PRDM1: variants seen among roughly 807,000 people sequenced by gnomAD.
PRDM1 encodes the protein PR domain zinc finger protein 1.
Under a neutral mutation model 62.8 loss-of-function variants are expected in PRDM1, and 13 were observed. That is an observed-to-expected ratio of 0.21 (90% CI 0.13 to 0.33). The LOEUF (loss-of-function observed/expected upper bound fraction) is 0.33, where lower values mean the gene tolerates loss of function less well. Among genes scored for constraint, PRDM1 ranks in the 10% least tolerant of loss-of-function variants. PRDM1 has a pLI of 1.00. For missense variants in PRDM1, 895 were observed against 1,058.8 expected (o/e 0.85, Z 2.15); for synonymous variants, 396 against 417.6 (o/e 0.95, Z 0.63).
In PRDM1 at chr6:106,107,256, A is replaced by G. The variant is rs1774520505; in HGVS notation, c.2248A>G (p.Ser750Gly). 6.2e-7 allele frequency: 1 copy of G among 1,614,110 alleles called. No homozygotes were observed. Among genetic ancestry groups the G allele is most frequent in the Admixed American group, 1.7e-5 (1 of 60,008 alleles). ...GCTCGAGGACGTGGAGGATGACATC[A>G]GTGTGATCTCTGTAGTGGAGAAGGA... ...DRLEDVEDDI[S>G]VISVVEKEIL... is the part of the protein sequence containing the mutation. Residue 750 changes from serine to glycine, a missense_variant, in exon 7 of 7, where the codon AGT (serine) becomes GGT (glycine). By Grantham distance (56) the Ser-to-Gly change is moderately conservative. This residue lies in a region of PRDM1 where 164 missense variants were observed against 179.9 expected (regional missense o/e 0.91). Coordinates refer to ENST00000369096, the MANE Select transcript of PRDM1 (RefSeq NM_001198.4).
At chr6:106,099,588 C>T (rs763374774) in intron 4 of PRDM1, 36 bp downstream of exon 4, 2 of 1,609,236 alleles carry the variant, frequency 1.2e-6, no homozygotes, top group South Asian at 2.2e-5. Flanking sequence ...TAAAAAATGC[C>T]AGTAATGTCG....
At chr6:106,019,924 G>T (rs1772672652) in intron 1 of PRDM1, among the ~76,000 whole-genome samples, 1 of 149,912 alleles carries the variant, frequency 6.7e-6, no homozygotes, top group Admixed American at 6.7e-5. Context: ...ACAGGCGTGA[G>T]CTGCCTCTTT....
At chr6:106,042,008 A>G (rs570415422) in intron 1 of PRDM1, among the ~76,000 whole-genome samples, 33 of 150,956 alleles carry the variant, frequency 2.2e-4, no homozygotes, top group Non-Finnish European at 4.3e-4. Flanking sequence ...GGGTTTCACT[A>G]TATTTCCCAG....
intron 1 of PRDM1, among the ~76,000 whole-genome samples, chr6:106,073,783 A>G (rs1393926969): frequency 6.6e-6 from 1 of 152,214 alleles, no homozygotes; most frequent in Non-Finnish European, 1.5e-5. Flanking sequence ...ACACAAATGC[A>G]GGTCCCACAT....
At chr6:106,062,121 C>T (rs1451820358) in intron 1 of PRDM1, among the ~76,000 whole-genome samples, 1 of 152,078 alleles carries the variant, frequency 6.6e-6, no homozygotes, top group African/African-American at 2.4e-5. Context: ...CTTTTAGACC[C>T]CACTGTCTAC....
intron 1 of PRDM1, among the ~76,000 whole-genome samples, chr6:106,032,268 C>T (rs1292836207): frequency 1.3e-5 from 2 of 152,094 alleles, no homozygotes; most frequent in East Asian, 1.9e-4. Flanking sequence ...AAGCAATCCT[C>T]CTGCCTAAGC....
At chr6:106,084,305 T>C (rs1331199239), upstream of PRDM1, among the ~76,000 whole-genome samples, 2 of 152,204 alleles carry the variant, frequency 1.3e-5, no homozygotes, top group African/African-American at 4.8e-5. Flanking sequence ...TAGGGTTGCC[T>C]GGCTAAGCCC....
rs763432858 is a variant in PRDM1 at position 106,105,743 on chromosome 6, T to C, written c.1583T>C (p.Val528Ala). 1 of 1,614,120 alleles carries C rather than the reference T, an allele frequency of 6.2e-7. No homozygotes were observed. Among genetic ancestry groups the C allele is most frequent in the African/African-American group, 1.3e-5 (1 of 75,058 alleles). ...TAGTAATAEH[V>A]VQPKATSAAM... ...GGAACAGCCGCCACGGCAGAACATG[T>C]GGTGCAGCCCAAAGCTACCTCAGCA... Residue 528 changes from valine to alanine, a missense_variant, in exon 5 of 7, where the codon GTG becomes GCG. Physicochemically the swap from Val to Ala is moderately conservative, Grantham distance 64. Around this residue, in one of 4 missense-constraint regions of PRDM1, gnomAD observed 444 missense variants for 422.7 expected, o/e 1.05. Coordinates refer to ENST00000369096, the MANE Select transcript of PRDM1 (RefSeq NM_001198.4).
upstream of PRDM1, among the ~76,000 whole-genome samples, chr6:106,084,625 C>G (rs1773755720): frequency 6.6e-6 from 1 of 152,224 alleles, no homozygotes; most frequent in African/African-American, 2.4e-5. Flanking sequence ...GTTTGAACAG[C>G]AGGCCAGCCT....
rs552794924 is a variant in PRDM1 at position 106,057,017 on chromosome 6, G to C, written c.-67+8303G>C. On this transcript the variant is annotated intron_variant, in intron 1 of 6. Coordinates refer to the PRDM1 transcript ENST00000651185. The stretch of plus-strand genomic sequence containing the variant: ...CTATACATTTTGAATAGCCAGAAAG[G>C]GTTCATCAGAAATTGCAGACAGCTG... Among the ~76,000 whole-genome samples the C allele has an allele frequency of 2.6e-5, 4 of 152,258 alleles. No homozygotes were observed. The East Asian group carries it at 5.8e-4, about 22-fold the overall frequency.
At chr6:106,047,085 A>G (rs1269018826), upstream of PRDM1, among the ~76,000 whole-genome samples, 1 of 152,236 alleles carries the variant, frequency 6.6e-6, no homozygotes, top group Non-Finnish European at 1.5e-5. Context: ...CTTGCTTCTT[A>G]ACAAACAGGA....
At chr6:106,090,548 G>A (rs1161272494) in intron 2 of PRDM1, among the ~76,000 whole-genome samples, 1 of 152,198 alleles carries the variant, frequency 6.6e-6, no homozygotes, top group Non-Finnish European at 1.5e-5. Context: ...CTTTGGGAAA[G>A]GACAGCTTCC....
intron 1 of PRDM1, among the ~76,000 whole-genome samples, chr6:106,081,169 A>C (rs914764165): frequency 6.6e-6 from 1 of 152,192 alleles, no homozygotes; most frequent in African/African-American, 2.4e-5. Context: ...GGTGAAGGAC[A>C]GTCATGCCTT....
chr6:106,002,338 A>G (rs1325530079), intron 1 of PRDM1, among the ~76,000 whole-genome samples: 1 of 152,178 alleles, frequency 6.6e-6, no homozygotes, highest in East Asian at 1.9e-4. Flanking sequence ...AACTTCTGAG[A>G]GAATTGCTTA....
chr6:106,016,809 A>T (rs1039159419), intron 1 of PRDM1, among the ~76,000 whole-genome samples: 4 of 151,830 alleles, frequency 2.6e-5, no homozygotes, highest in African/African-American at 9.7e-5. Flanking sequence ...CACCATGCCC[A>T]TGCCCAGCTA....
chr6:106,062,363 A>C (rs1398929730), intron 1 of PRDM1, among the ~76,000 whole-genome samples: 3 of 152,196 alleles, frequency 2.0e-5, no homozygotes, highest in Non-Finnish European at 4.4e-5. Context: ...GAAAATGTGT[A>C]ATCCCTTCAT....
In PRDM1 at chr6:106,099,325, A is replaced by G; in HGVS notation, c.437A>G (p.His146Arg). The G allele has an allele frequency of 6.2e-7, 1 of 1,614,100 alleles. No homozygotes were observed. The highest frequency in any genetic ancestry group is 8.5e-7 in the Non-Finnish European group (1 of 1,180,006). The change falls in exon 4 of 7, where the codon CAC becomes CGC. Residue 146 changes from histidine (H) to arginine (R), a missense_variant. Physicochemically the swap from His to Arg is conservative, Grantham distance 29 (BLOSUM62 0). This residue lies in a region of PRDM1 where 213 missense variants were observed against 283.9 expected (regional missense o/e 0.75). Transcript: ENST00000369096. ...ATCTATTCCAGAGGGGAGCTTCACCACTTCATTGACGGCTTTAATGAAGAG... is the reference window on the plus strand; with the variant it reads ...ATCTATTCCAGAGGGGAGCTTCACCGCTTCATTGACGGCTTTAATGAAGAG... ...WRIYSRGELHHFIDGFNEEKS... is the reference protein window; with the variant it reads ...WRIYSRGELHRFIDGFNEEKS...
chr6:106,065,480 C>A (rs1195273971), intron 1 of PRDM1, among the ~76,000 whole-genome samples: 1 of 152,108 alleles, frequency 6.6e-6, no homozygotes, highest in Non-Finnish European at 1.5e-5. Context: ...GGTTAAAAGT[C>A]TGGAAGGAGG....
intron 1 of PRDM1, among the ~76,000 whole-genome samples, chr6:106,064,254 T>C (rs1773391594): frequency 1.3e-5 from 2 of 152,222 alleles, no homozygotes; most frequent in South Asian, 2.1e-4. Flanking sequence ...CCAAAAGCAG[T>C]TAGCCTCGAT....
Sources: allele counts gnomAD v4.1 joint callset (sites outside exome capture counted in the v4.1 genomes callset), GRCh38; gene constraint gnomAD v4.1.1; regional missense constraint gnomAD v4.1.1; transcripts MANE v1.5; gene names NCBI Gene and HGNC (gene_info 2026-07-23, HGNC 2026-07-21).